UPF2: variants seen among roughly 807,000 people sequenced by gnomAD.
The protein encoded by UPF2 is UPF2 regulator of nonsense mediated mRNA decay.
UPF2 carries 17 observed loss-of-function variants against 141.4 expected under a neutral mutation model. The ratio of observed to expected loss-of-function variants is 0.12; its 90% CI spans 0.08 to 0.18. The LOEUF (loss-of-function observed/expected upper bound fraction) is 0.18, where lower values mean the gene tolerates loss of function less well. Ranked by LOEUF, UPF2 falls within the 10% of genes least tolerant of loss-of-function variation. The probability of loss-of-function intolerance (pLI) is 1.00; values close to 1 mark genes in which losing one functional copy is unlikely to be tolerated. For synonymous variants in UPF2, 540 were observed against 498.0 expected, an observed-to-expected ratio of 1.08 and a Z score of -1.12; for missense variants, 1,152 against 1,515.9, an observed-to-expected ratio of 0.76 and a Z score of 3.99.
intron 16 of UPF2, among the ~76,000 whole-genome samples, chr10:11,947,228 A>C (rs964714289): frequency 6.6e-6 from 1 of 152,172 alleles, no homozygotes; most frequent in East Asian, 1.9e-4. Flanking sequence ...CAAAGAATTA[A>C]AACTGCTAGT....
chr10:11,989,037 G>T (rs1833739369), intron 8 of UPF2, among the ~76,000 whole-genome samples: 1 of 152,134 alleles, frequency 6.6e-6, no homozygotes, highest in Non-Finnish European at 1.5e-5. Flanking sequence ...ACCTGGAAGT[G>T]AAGGACAAAA....
Position 12,014,501 on chromosome 10 carries a change from A to G in UPF2, c.1146-317T>C, listed in dbSNP as rs779031595. On this transcript the variant is annotated intron_variant, in intron 3 of 21. Coordinates refer to ENST00000357604, the MANE Select transcript of UPF2 (RefSeq NM_015542.4). This position sits in a 1 kb window ranked among gnomAD's most constrained non-coding sequence, Gnocchi z 5.0. ...ACAGTCACACTCTTCTCAGATATAG[A>G]GTTAACCAAAACTAGCACAACTACA... Among the ~76,000 whole-genome samples the G allele has an allele frequency of 2.6e-5, 4 of 152,200 alleles. No individual in the cohort carries two copies. Among genetic ancestry groups the G allele is most frequent in the Non-Finnish European group, 4.4e-5 (3 of 68,030 alleles).
At position 11,979,861 on chromosome 10, in the gene UPF2, C is replaced by T. The variant is rs1317251672; in HGVS notation, c.1845-696G>A. Among the ~76,000 whole-genome samples the T allele has an allele frequency of 6.6e-6, 1 of 152,058 alleles. No individual in the cohort carries two copies. The highest frequency in any genetic ancestry group is 1.5e-5 in the Non-Finnish European group (1 of 68,016). On this transcript the variant is annotated intron_variant, in intron 8 of 21. Coordinates refer to ENST00000357604, the MANE Select transcript of UPF2 (RefSeq NM_015542.4). The surrounding 1 kb of genome is among the most constrained non-coding windows in gnomAD (Gnocchi z 6.2). ...TAGAAGTTGCAGTGAGCCCAGATCA[C>T]GCCACTGCACTCCAGCCTGGGTGAC...
In UPF2 at chr10:12,001,807, T is replaced by C. The variant is rs745506323; in HGVS notation, c.1523A>G (p.Glu508Gly). Reference protein sequence around the residue: ...DDTKEAKESKENKEVSSPDDL... With the variant: ...DDTKEAKESKGNKEVSSPDDL... ...ATCGGGACTTGATACCTCCTTATTC[T>C]CCTTAGATTCTTTTGCCTCTGTTGA... Residue 508 changes from glutamate (E) to glycine (G), a missense_variant, in exon 6 of 22, where the codon GAG becomes GGG. Physicochemically the swap from Glu to Gly is moderately conservative, Grantham distance 98. This residue lies in a region of UPF2 where 739 missense variants were observed against 1,032.2 expected (regional missense o/e 0.72). Transcript: ENST00000357604. 32 of 1,596,112 alleles carry C rather than the reference T, an allele frequency of 2.0e-5. No homozygotes were observed. Among genetic ancestry groups the C allele is most frequent in the Non-Finnish European group, 2.4e-5 (28 of 1,174,198 alleles).
intron 3 of UPF2, among the ~76,000 whole-genome samples, chr10:12,025,991 A>G (rs1294138386): frequency 6.6e-6 from 1 of 152,078 alleles, no homozygotes; most frequent in East Asian, 1.9e-4. Context: ...ATGGGGTTTC[A>G]GCATGTTGCC....
At chr10:11,947,180 C>T (rs766180594) in intron 16 of UPF2, among the ~76,000 whole-genome samples, 1 of 152,112 alleles carries the variant, frequency 6.6e-6, no homozygotes, top group African/African-American at 2.4e-5. Flanking sequence ...CCAGCATGGG[C>T]GACAGTGAAG....
chr10:11,972,632 G>A (rs11257458), intron 9 of UPF2, among the ~76,000 whole-genome samples: 9,052 of 152,210 alleles, frequency 0.059, 363 homozygotes, highest in Non-Finnish European at 0.09. Context: ...AACATGCAGC[G>A]TTTGGTTTTC....
At chr10:11,988,185 T>C (rs976969314) in intron 8 of UPF2, among the ~76,000 whole-genome samples, 1 of 152,266 alleles carries the variant, frequency 6.6e-6, no homozygotes, top group African/African-American at 2.4e-5. Context: ...TTAGGGACGT[T>C]GTCCCTAGGT....
intron 1 of UPF2, among the ~76,000 whole-genome samples, chr10:12,041,527 A>G (rs1834733480): frequency 1.3e-5 from 2 of 152,150 alleles, no homozygotes. Flanking sequence ...AGAGGGCACA[A>G]AAGGGGGTGT....
Position 12,014,276 on chromosome 10 carries a change from T to G in UPF2, c.1146-92A>C. ...GGAAACATTCCATAATTTGATTTTC[T>G]CATACAAATTTAGTAAAATCTTCAT... On this transcript the variant is annotated intron_variant, in intron 3 of 21. Transcript: ENST00000357604. This position sits in a 1 kb window ranked among gnomAD's most constrained non-coding sequence, Gnocchi z 5.0. The G allele has an allele frequency of 8.4e-7, 1 of 1,196,790 alleles. No homozygotes were observed. Among genetic ancestry groups the G allele is most frequent in the Admixed American group, 3.5e-5 (1 of 28,634 alleles). The allele number at this position is 1,196,790 out of a possible 1,614,324, so 74.1% of individuals were successfully genotyped here.
chr10:12,031,703 G>C (rs905914191), intron 2 of UPF2, among the ~76,000 whole-genome samples: 2 of 152,096 alleles, frequency 1.3e-5, no homozygotes, highest in Admixed American at 6.6e-5. Context: ...TTGAGCCCAG[G>C]AGGTTGAAGC....
chr10:11,947,282 C>G (rs769212026), intron 16 of UPF2, among the ~76,000 whole-genome samples: 5 of 152,012 alleles, frequency 3.3e-5, no homozygotes, highest in Non-Finnish European at 5.9e-5. Context: ...AGAAACAGTA[C>G]AAGAACAATT....
At chr10:12,018,089 C>T (rs950247569) in intron 3 of UPF2, among the ~76,000 whole-genome samples, 13 of 152,330 alleles carry the variant, frequency 8.5e-5, no homozygotes, top group Non-Finnish European at 1.8e-4. Context: ...AAATCCACAG[C>T]ATGCAGTAAG....
intron 21 of UPF2, among the ~76,000 whole-genome samples, chr10:11,928,339 A>C (rs1399414548): frequency 1.3e-5 from 2 of 152,050 alleles, no homozygotes; most frequent in African/African-American, 4.8e-5. Flanking sequence ...TCGGTCTCAA[A>C]AAAAAGAACA....
intron 21 of UPF2, among the ~76,000 whole-genome samples, chr10:11,927,212 T>G (rs1342485798): frequency 6.6e-6 from 1 of 152,100 alleles, no homozygotes; most frequent in African/African-American, 2.4e-5. Flanking sequence ...GTCATCCAAC[T>G]CCATAGTGAG....
chr10:12,024,606 T>A (rs1834378007), intron 3 of UPF2, among the ~76,000 whole-genome samples: 1 of 151,410 alleles, frequency 6.6e-6, no homozygotes, highest in Admixed American at 6.6e-5. Context: ...GGAAACCCCG[T>A]CTCGAAAAAT....
chr10:11,949,275 C>A (rs992078116), intron 15 of UPF2, among the ~76,000 whole-genome samples: 1 of 152,200 alleles, frequency 6.6e-6, no homozygotes, highest in African/African-American at 2.4e-5. Context: ...CTGAAGTTGC[C>A]TTAGACGTCT....
chr10:11,937,166 TG>T (rs756795587), intron 18 of UPF2, among the ~76,000 whole-genome samples: 3 of 152,270 alleles, frequency 2.0e-5, no homozygotes, highest in Non-Finnish European at 4.4e-5. Context: ...TACTGAAGAA[TG>T]AATGGAATCT....
At chr10:11,923,426 TAA>T (rs1457858069) in intron 21 of UPF2, 3 of 152,212 alleles carry the variant, frequency 2.0e-5, no homozygotes, top group Non-Finnish European at 4.4e-5. Context: ...CTCATGCCTG[TAA>T]TCCCAGCACT....
Sources: allele counts gnomAD v4.1 joint callset (sites outside exome capture counted in the v4.1 genomes callset), GRCh38; gene constraint gnomAD v4.1.1; regional missense constraint gnomAD v4.1.1; non-coding constraint Gnocchi (gnomAD v3.1); transcripts MANE v1.5; gene names NCBI Gene and HGNC (gene_info 2026-07-23, HGNC 2026-07-21).